Variants in MEGF11 observed in about 807,000 individuals in gnomAD.
MEGF11 encodes multiple epidermal growth factor-like domains protein 11.
MEGF11 carries 126 observed loss-of-function variants against 146.6 expected under a neutral mutation model. The ratio of observed to expected loss-of-function variants is 0.86; its 90% CI spans 0.74 to 1.00. The LOEUF (loss-of-function observed/expected upper bound fraction) is 1.00. Ranked by LOEUF, MEGF11 falls within the 50% of genes least tolerant of loss-of-function variation. The probability of loss-of-function intolerance (pLI) is 0.00; values close to 1 mark genes in which losing one functional copy is unlikely to be tolerated. For synonymous variants in MEGF11, 532 were observed against 583.4 expected (o/e 0.91, Z 1.27); for missense variants, 1,509 against 1,521.2 (o/e 0.99, Z 0.13).
chr15:66,088,537 A>G (rs570233078), intron 5 of MEGF11, among the ~76,000 whole-genome samples: 1 of 152,308 alleles, frequency 6.6e-6, no homozygotes, highest in African/African-American at 2.4e-5. Flanking sequence ...CTGCAATCCC[A>G]GCTACTACTC....
intron 10 of MEGF11, among the ~76,000 whole-genome samples, chr15:65,946,514 T>C (rs2141410394): frequency 6.6e-6 from 1 of 152,258 alleles, no homozygotes; most frequent in African/African-American, 2.4e-5. Flanking sequence ...TGCCTCAGCC[T>C]CCCAAGTAGC....
chr15:66,246,400 G>C (rs1435962497), intron 1 of MEGF11, among the ~76,000 whole-genome samples: 1 of 152,178 alleles, frequency 6.6e-6, no homozygotes, highest in Non-Finnish European at 1.5e-5. Context: ...AGCAACAAAA[G>C]TGAAGAAACC....
At chr15:66,014,880 A>G (rs985343606) in intron 5 of MEGF11, among the ~76,000 whole-genome samples, 3 of 152,150 alleles carry the variant, frequency 2.0e-5, no homozygotes, top group African/African-American at 7.2e-5. Context: ...TACGCTTCAC[A>G]GTTGCACTTC....
chr15:66,155,184 T>G (rs1477799), intron 1 of MEGF11, among the ~76,000 whole-genome samples: 75,883 of 152,122 alleles, frequency 0.5, 21,491 homozygotes, highest in East Asian at 0.76. Flanking sequence ...CTGTCCTGGC[T>G]CTGTGCCTCA....
At chr15:66,160,452 A>G (rs1304403031) in intron 1 of MEGF11, among the ~76,000 whole-genome samples, 1 of 152,142 alleles carries the variant, frequency 6.6e-6, no homozygotes, top group Non-Finnish European at 1.5e-5. Flanking sequence ...CAACCTCCAG[A>G]TATCTTGCCA....
intron 5 of MEGF11, among the ~76,000 whole-genome samples, chr15:66,041,122 G>T (rs1284886840): frequency 1.3e-5 from 2 of 152,190 alleles, no homozygotes; most frequent in African/African-American, 2.4e-5. Flanking sequence ...AGATGGGCAG[G>T]TTTGTTTTTC....
In MEGF11 at chr15:65,980,842, G is replaced by A. The variant is rs775548182; in HGVS notation, c.698C>T (p.Pro233Leu). ...SHGAHCELRCPCQNGGTCHHI... is the reference protein window; with the variant it reads ...SHGAHCELRCLCQNGGTCHHI... ...GTGGCAGGTGCCCCCATTCTGACAG[G>A]GGCAGCGCAGCTCACAGTGAGCTCC... Residue 233 changes from proline to leucine, a missense_variant, in exon 7 of 26, where the codon CCC becomes CTC. By Grantham distance (98) the Pro-to-Leu change is moderately conservative. Coordinates refer to ENST00000395614, the MANE Select transcript of MEGF11 (RefSeq NM_001385028.1). 15 of 1,599,678 alleles carry A rather than the reference G, an allele frequency of 9.4e-6. No individual in the cohort carries two copies. The highest frequency in any genetic ancestry group is 1.2e-5 in the Non-Finnish European group (14 of 1,173,838).
intron 5 of MEGF11, among the ~76,000 whole-genome samples, chr15:66,062,159 A>C (rs956563868): frequency 1.3e-5 from 2 of 152,338 alleles, no homozygotes; most frequent in South Asian, 4.1e-4. Flanking sequence ...GAGCAGGAGG[A>C]AGCTCTTTCC....
At chr15:65,938,135 A>G (rs1434080262) in intron 10 of MEGF11, among the ~76,000 whole-genome samples, 1 of 152,214 alleles carries the variant, frequency 6.6e-6, no homozygotes, top group Non-Finnish European at 1.5e-5. Flanking sequence ...CTGGTCACAC[A>G]CCTGTCCTAA....
In MEGF11 at chr15:66,200,546, T is replaced by C. The variant is rs546553223; in HGVS notation, c.-9+53059A>G. On this transcript the variant is annotated intron_variant, in intron 1 of 25. Transcript: ENST00000395614. ...AGGGGTCTTACCTCATGATCAGTTATCCTCATCCCTCCCCCCGCCTTAGTT... is the reference window on the plus strand; with the variant it reads ...AGGGGTCTTACCTCATGATCAGTTACCCTCATCCCTCCCCCCGCCTTAGTT... 1.3e-4 allele frequency among the ~76,000 whole-genome samples: 20 copies of C among 152,256 alleles called. No homozygotes were observed. In the South Asian group the frequency reaches 4.1e-3, roughly 32 times the overall value.
At chr15:65,913,642 A>AT in intron 20 of MEGF11, 95 bp downstream of exon 20, 2 of 1,104,798 alleles carry the variant, frequency 1.8e-6, no homozygotes, top group Non-Finnish European at 2.7e-6. Flanking sequence ...GAGCTTCCAC[A>AT]TTCAGCCACA....
chr15:66,158,408 A>C (rs982279369), intron 1 of MEGF11, among the ~76,000 whole-genome samples: 1 of 152,260 alleles, frequency 6.6e-6, no homozygotes, highest in Non-Finnish European at 1.5e-5. Flanking sequence ...AACCGTGTGG[A>C]CTCAGCCTCA....
intron 10 of MEGF11, among the ~76,000 whole-genome samples, chr15:65,933,149 C>G (rs113339416): frequency 6.6e-6 from 1 of 152,122 alleles, no homozygotes; most frequent in African/African-American, 2.4e-5. Context: ...AGTCCTTCCC[C>G]GAAGGCCCCA....
At chr15:65,973,498 T>G (rs1251677620) in intron 7 of MEGF11, among the ~76,000 whole-genome samples, 1 of 152,200 alleles carries the variant, frequency 6.6e-6, no homozygotes, top group African/African-American at 2.4e-5. Flanking sequence ...CACCTGTCTG[T>G]AGTCCCTGCT....
chr15:66,044,837 T>C (rs1386894689), intron 5 of MEGF11, among the ~76,000 whole-genome samples: 1 of 102,580 alleles, frequency 9.7e-6, no homozygotes, highest in Non-Finnish European at 1.8e-5. Flanking sequence ...TGGATGACAG[T>C]GAGACCTTAT....
chr15:65,903,919 CTCTTT>C (rs2141147500), intron 24 of MEGF11, among the ~76,000 whole-genome samples: 1 of 152,244 alleles, frequency 6.6e-6, no homozygotes, highest in African/African-American at 2.4e-5. Context: ...TTACATAGCT[CTCTTT>C]TCTTTTTAAA....
chr15:65,906,017 C>A, intron 24 of MEGF11, 68 bp downstream of exon 24: 1 of 1,334,368 alleles, frequency 7.5e-7, no homozygotes, highest in Non-Finnish European at 1.1e-6. Flanking sequence ...AATTCCTGGC[C>A]ATTTCAGATC....
chr15:66,042,996 A>G (rs1191809106), intron 5 of MEGF11, among the ~76,000 whole-genome samples: 1 of 152,212 alleles, frequency 6.6e-6, no homozygotes, highest in East Asian at 1.9e-4. Flanking sequence ...GAATGTCTCA[A>G]AACTCTGAGG....
rs1567144949 is a variant in MEGF11 at position 65,897,928 on chromosome 15, TC to T, written c.*5del. ...GAGCACACTGCAAGAGAGAAGCTTA[TC>T]CCTCTTAAGATTGCTTGTCCTGGGA... On this transcript the variant is annotated 3_prime_UTR_variant, in exon 26 of 26. Transcript: ENST00000395614. 1 of 1,612,930 alleles carries T rather than the reference TC, an allele frequency of 6.2e-7. No individual in the cohort carries two copies. Among genetic ancestry groups the T allele is most frequent in the South Asian group, 1.1e-5 (1 of 90,960 alleles).
Sources: allele counts gnomAD v4.1 joint callset (sites outside exome capture counted in the v4.1 genomes callset), GRCh38; gene constraint gnomAD v4.1.1; transcripts MANE v1.5; gene names NCBI Gene and HGNC (gene_info 2026-07-23, HGNC 2026-07-21).